NECAB2: variants seen among roughly 807,000 people sequenced by gnomAD.
NECAB2 encodes N-terminal EF-hand calcium-binding protein 2.
In NECAB2, 68 loss-of-function variants were observed where a neutral mutation model predicts 51.9. That is an observed-to-expected ratio of 1.31 (90% CI 1.08 to 1.60). NECAB2 has a LOEUF of 1.60. NECAB2 is among the 40% of genes most tolerant of loss of function. The probability of loss-of-function intolerance (pLI) is 0.00; values close to 1 mark genes in which losing one functional copy is unlikely to be tolerated. For missense variants in NECAB2, 854 were observed against 490.3 expected, an observed-to-expected ratio of 1.74 and a Z score of -7.00; for synonymous variants, 329 against 203.5, an observed-to-expected ratio of 1.62 and a Z score of -5.25.
At chr16:83,993,569 C>T (rs578067338) in intron 6 of NECAB2, 21 of 153,966 alleles carry the variant, frequency 1.4e-4, no homozygotes, top group Admixed American at 3.9e-4. Flanking sequence ...TTTGGTCATT[C>T]ATTGAGCATT....
chr16:83,993,100 C>G (rs146147191), intron 6 of NECAB2, among the ~76,000 whole-genome samples: 94 of 152,218 alleles, frequency 6.2e-4, no homozygotes, highest in African/African-American at 2.2e-3. Flanking sequence ...GCCCCTCCCT[C>G]GAACTTCCCC....
intron 5 of NECAB2, among the ~76,000 whole-genome samples, chr16:83,986,936 G>T (rs536060012): frequency 6.6e-6 from 1 of 152,248 alleles, no homozygotes; most frequent in South Asian, 2.1e-4. Context: ...TAGGTACAAT[G>T]TTCAATATGT....
intron 5 of NECAB2, among the ~76,000 whole-genome samples, chr16:83,982,613 G>A (rs1186507399): frequency 1.3e-5 from 2 of 152,156 alleles, no homozygotes; most frequent in African/African-American, 2.4e-5. Context: ...AGGGGCCCAC[G>A]TCCTAGCCAT....
At chr16:83,984,408 C>G (rs2084526498) in intron 5 of NECAB2, among the ~76,000 whole-genome samples, 1 of 151,958 alleles carries the variant, frequency 6.6e-6, no homozygotes, top group South Asian at 2.1e-4. Flanking sequence ...CACGCAGGCA[C>G]TTAATGCACA....
chr16:83,982,437 G>A (rs374303966), intron 5 of NECAB2, among the ~76,000 whole-genome samples: 4 of 152,258 alleles, frequency 2.6e-5, no homozygotes, highest in South Asian at 2.1e-4. Context: ...AGGTATAGGC[G>A]GTGGATTAGA....
At chr16:83,999,804 G>C (rs1034316884) in intron 10 of NECAB2, among the ~76,000 whole-genome samples, 2 of 152,142 alleles carry the variant, frequency 1.3e-5, no homozygotes, top group Admixed American at 1.3e-4. Context: ...CAGTGCAGTG[G>C]GGGTGTTGCA....
At chr16:83,996,888 C>A (rs531546254) in intron 8 of NECAB2, among the ~76,000 whole-genome samples, 1 of 152,258 alleles carries the variant, frequency 6.6e-6, no homozygotes, top group Non-Finnish European at 1.5e-5. Flanking sequence ...CCCTGAGGTG[C>A]TGGGGGTTAT....
At chr16:83,989,928 C>A (rs192822312) in intron 5 of NECAB2, among the ~76,000 whole-genome samples, 1 of 152,342 alleles carries the variant, frequency 6.6e-6, no homozygotes, top group Admixed American at 6.5e-5. Flanking sequence ...GCACTTTCCT[C>A]CCTTCAGCTG....
intron 5 of NECAB2, among the ~76,000 whole-genome samples, chr16:83,985,803 A>G (rs1054234480): frequency 2.0e-5 from 3 of 152,120 alleles, no homozygotes; most frequent in Non-Finnish European, 4.4e-5. Flanking sequence ...TATTTTTTTA[A>G]TGTACTGAGA....
Position 83,998,268 on chromosome 16 carries a change from T to A in NECAB2, c.913T>A (p.Ser305Thr), listed in dbSNP as rs112138689. Residue 305 changes from serine (S) to threonine (T), a missense_variant, in exon 10 of 13, where the codon TCT becomes ACT. Physicochemically the swap from Ser to Thr is moderately conservative, Grantham distance 58. Transcript: ENST00000305202. ...CPEQLSEFLD[S>T]LRQYLRGTTG... Reference sequence around the variant, plus strand: ...CGAGCAACTGAGCGAGTTTCTGGACTCTCTGCGCCAGTATCTGCGGGGGAC... The same window carrying A: ...CGAGCAACTGAGCGAGTTTCTGGACACTCTGCGCCAGTATCTGCGGGGGAC... 23 of 1,612,864 alleles carry A rather than the reference T, an allele frequency of 1.4e-5. No homozygotes were observed. The East Asian group carries it at 1.8e-4, about 13-fold the overall frequency.
chr16:83,987,289 A>G (rs1186266365), intron 5 of NECAB2, among the ~76,000 whole-genome samples: 1 of 152,200 alleles, frequency 6.6e-6, no homozygotes, highest in Non-Finnish European at 1.5e-5. Flanking sequence ...TATCTAATGT[A>G]TCTGTTCTGT....
intron 6 of NECAB2, among the ~76,000 whole-genome samples, chr16:83,991,441 A>C (rs2084624449): frequency 7.3e-6 from 1 of 136,614 alleles, no homozygotes; most frequent in Non-Finnish European, 1.5e-5. Flanking sequence ...ATCTCAGCTC[A>C]CTGCAACGTC....
In NECAB2 at chr16:83,972,231, TG is replaced by T. The variant is rs140319552; in HGVS notation, c.226+60del. On this transcript the variant is annotated intron_variant, in intron 2 of 12. Transcript: ENST00000305202. ...CCACTCCTTCTGTCCTCGTGCTTCA[TG>T]GGGAAGGGATCAGGGATAGGAGACA... The T allele has an allele frequency of 1.3e-3, 2,110 of 1,610,066 alleles. 29 individuals carry two copies. In the African/African-American group the frequency reaches 0.026, roughly 20 times the overall value.
At chr16:83,990,379 C>T (rs1010269756) in intron 5 of NECAB2, 115 bp from the exon 6 acceptor site, 31 of 1,381,464 alleles carry the variant, frequency 2.2e-5, no homozygotes, top group Admixed American at 9.2e-5. Flanking sequence ...GTCCTCCCTT[C>T]CCTTTGCAAA....
chr16:83,996,246 A>G lies in NECAB2; in HGVS notation c.796-970A>G, dbSNP rs144830387. On this transcript the variant is annotated intron_variant, in intron 8 of 12. Coordinates refer to ENST00000305202, the MANE Select transcript of NECAB2 (RefSeq NM_019065.3). ...CAGGACCCCTCACGTATGCTTGTAAAACCATGGAAACAGACTTGTTCCTGC... is the reference window on the plus strand; with the variant it reads ...CAGGACCCCTCACGTATGCTTGTAAGACCATGGAAACAGACTTGTTCCTGC... Among the ~76,000 whole-genome samples, 487 of 152,222 alleles carry G rather than the reference A, an allele frequency of 3.2e-3. 2 individuals are homozygous for G. Among genetic ancestry groups the G allele is most frequent in the African/African-American group, 0.011 (464 of 41,536 alleles).
At chr16:83,977,568 C>T (rs1182704066) in intron 2 of NECAB2, among the ~76,000 whole-genome samples, 7 of 151,934 alleles carry the variant, frequency 4.6e-5, no homozygotes, top group African/African-American at 1.7e-4. Context: ...CCCACCCATC[C>T]CTCCACAGAG....
intron 8 of NECAB2, among the ~76,000 whole-genome samples, chr16:83,996,739 CAG>C (rs1207762017): frequency 2.6e-5 from 4 of 152,162 alleles, no homozygotes; most frequent in African/African-American, 9.7e-5. Flanking sequence ...CGTGGGCGAA[CAG>C]AGCAGATGTG....
intron 3 of NECAB2, 130 bp from the exon 4 acceptor site, chr16:83,980,709 G>T (rs990712918): frequency 1.6e-6 from 2 of 1,266,006 alleles, no homozygotes; most frequent in Admixed American, 2.0e-5. Context: ...CTTCTGTAAG[G>T]CGGAGCTTGT....
rs772761058 is a variant in NECAB2, at chr16:84,001,820, C to G, written c.1041-5C>G. 6.2e-7 allele frequency: 1 copy of G among 1,613,876 alleles called. No homozygotes were observed. The highest frequency in any genetic ancestry group is 1.7e-5 in the Admixed American group (1 of 59,998). Reference sequence around the variant, plus strand: ...CCCTGACTCACACATGTCCCTGCGTCACAGGCACCTGCAGAGCCCCCTGTG... The same window carrying G: ...CCCTGACTCACACATGTCCCTGCGTGACAGGCACCTGCAGAGCCCCCTGTG... On this transcript the variant is annotated splice_polypyrimidine_tract_variant and splice_region_variant and intron_variant, in intron 11 of 12. Transcript: ENST00000305202.
Sources: allele counts gnomAD v4.1 joint callset (sites outside exome capture counted in the v4.1 genomes callset), GRCh38; gene constraint gnomAD v4.1.1; transcripts MANE v1.5; gene names NCBI Gene and HGNC (gene_info 2026-07-23, HGNC 2026-07-21).